KLK12: variants seen among roughly 807,000 people sequenced by gnomAD.
KLK12 encodes kallikrein related peptidase 12, also known as kallikrein-12.
A neutral mutation model predicts 20.0 loss-of-function variants in KLK12; 23 were observed. The observed-to-expected ratio is 1.15, with a 90% CI of 0.83 to 1.63. The LOEUF (loss-of-function observed/expected upper bound fraction) is 1.63. Among genes scored for constraint, KLK12 ranks in the 40% most tolerant of loss-of-function variants. KLK12 has a pLI of 0.00. For synonymous variants in KLK12, 147 were observed against 141.9 expected, an observed-to-expected ratio of 1.04 and a Z score of -0.25; for missense variants, 351 against 338.6, an observed-to-expected ratio of 1.04 and a Z score of -0.29.
chr19:51,029,429 C>A lies in KLK12; in HGVS notation c.620G>T (p.Gly207Val). The A allele has an allele frequency of 6.2e-7, 1 of 1,613,518 alleles. No homozygotes were observed. The highest frequency in any genetic ancestry group is 8.5e-7 in the Non-Finnish European group (1 of 1,179,424). The part of the protein sequence containing the change: ...QGDSGGPLVC[G>V]GVLQGLVSWG... Reference sequence around the variant, plus strand: ...GGACACCAGACCTTGAAGGACTCCCCCACACACCAGGGGGCCCCCAGAATC... The same window carrying A: ...GGACACCAGACCTTGAAGGACTCCCACACACACCAGGGGGCCCCCAGAATC... The change falls in exon 6 of 6, where the codon GGG becomes GTG. Residue 207 changes from glycine to valine, a missense_variant. Gly to Val is a moderately radical substitution (Grantham distance 109, BLOSUM62 -3). Coordinates refer to ENST00000684732, the MANE Select transcript of KLK12 (RefSeq NM_001370125.1).
intron 4 of KLK12, among the ~76,000 whole-genome samples, chr19:51,031,479 C>A (rs1377655952): frequency 6.6e-6 from 1 of 151,802 alleles, no homozygotes; most frequent in Non-Finnish European, 1.5e-5. Flanking sequence ...GATAGAATCC[C>A]AATTTCCATC....
chr19:51,031,435 C>T (rs78018472), intron 4 of KLK12, among the ~76,000 whole-genome samples: 3,311 of 151,880 alleles, frequency 0.022, 62 homozygotes, highest in Non-Finnish European at 0.033. Context: ...ACACCCCAAA[C>T]GCTATGACCT....
At chr19:51,031,439 A>G (rs776124772) in intron 4 of KLK12, among the ~76,000 whole-genome samples, 5 of 151,624 alleles carry the variant, frequency 3.3e-5, no homozygotes, top group Admixed American at 6.6e-5. Flanking sequence ...CCCAAACGCT[A>G]TGACCTCCAA....
At position 51,029,354 on chromosome 19, in the gene KLK12, G is replaced by A. The variant is rs774412030; in HGVS notation, c.695C>T (p.Thr232Ile). The A allele has an allele frequency of 5.6e-6, 9 of 1,614,030 alleles. No individual in the cohort carries two copies. Among genetic ancestry groups the A allele is most frequent in the Non-Finnish European group, 7.6e-6 (9 of 1,179,974 alleles). The stretch of plus-strand genomic sequence containing the variant: ...CCAGTCCACATACTTGCAAATATAG[G>A]TGTAGACTCCAGGGATGCCATCTTG... ...CGQDGIPGVY[T>I]YICKYVDWIR... The change falls in exon 6 of 6, where the codon ACC (threonine) becomes ATC (isoleucine). Residue 232 changes from threonine (T) to isoleucine (I), a missense_variant. Thr to Ile is a moderately conservative substitution (Grantham distance 89, BLOSUM62 -1). Coordinates refer to ENST00000684732, the MANE Select transcript of KLK12 (RefSeq NM_001370125.1).
chr19:51,029,389 C>T lies in KLK12; in HGVS notation c.660G>A (p.Gly220=). 6.2e-7 allele frequency: 1 copy of T among 1,613,706 alleles called. No individual in the cohort carries two copies. Among genetic ancestry groups the T allele is most frequent in the South Asian group, 1.1e-5 (1 of 91,072 alleles). Residue 220 remains glycine, a synonymous_variant, in exon 6 of 6, where the codon GGG becomes GGA. Transcript: ENST00000684732. The part of the protein sequence containing the change: ...LQGLVSWGSV[G]PCGQDGIPGV... Reference sequence around the variant, plus strand: ...CAGGGATGCCATCTTGTCCACAGGGCCCCACAGACCCCCAGGACACCAGAC... The same window carrying T: ...CAGGGATGCCATCTTGTCCACAGGGTCCCACAGACCCCCAGGACACCAGAC...
rs192173757 is a variant in KLK12, at chr19:51,034,232, G to A, written c.38-93C>T. 2.8e-4 allele frequency: 386 copies of A among 1,389,080 alleles called. No homozygotes were observed. The African/African-American group carries it at 4.7e-3, about 17-fold the overall frequency. 86.0% of individuals were successfully genotyped at this position (1,389,080 alleles called of 1,614,324 possible). On this transcript the variant is annotated intron_variant, in intron 2 of 5. Transcript: ENST00000684732. ...GTGAGAGAGAGAAACAGGCAGGAGA[G>A]AGAGAGGAGAAAGAGAGACGAGAAA...
chr19:51,034,334 A>T, intron 2 of KLK12, 195 bp from the exon 3 acceptor site: 1 of 1,184,710 alleles, frequency 8.4e-7, no homozygotes, highest in Non-Finnish European at 1.2e-6. Context: ...AAAGATGCTT[A>T]CACATAGGAG....
At position 51,034,616 on chromosome 19, in the gene KLK12, C is replaced by A; in HGVS notation, c.6G>T (p.Gly2=). M[G]LSIFLLLCVL... The stretch of plus-strand genomic sequence containing the variant: ...CACACAGGAGCAAAAAGATGCTGAG[C>A]CCCATGGTGGGTCACTTCCAAAGTC... Residue 2 remains glycine, a synonymous_variant, in exon 2 of 6, where the codon GGG becomes GGT. Transcript: ENST00000684732. The A allele has an allele frequency of 6.2e-7, 1 of 1,609,978 alleles. No homozygotes were observed. Among genetic ancestry groups the A allele is most frequent in the Non-Finnish European group, 8.5e-7 (1 of 1,178,826 alleles).
At chr19:51,030,665 G>A in intron 5 of KLK12, 123 bp downstream of exon 5, 1 of 1,393,886 alleles carries the variant, frequency 7.2e-7, no homozygotes, top group Middle Eastern at 2.5e-4. Flanking sequence ...CTTCCTTTTT[G>A]ACCCCGTCTC....
At chr19:51,032,215 T>C (rs1432226970) in intron 3 of KLK12, 80 bp from the exon 4 acceptor site, 3 of 1,460,206 alleles carry the variant, frequency 2.1e-6, no homozygotes, top group East Asian at 4.9e-5. Flanking sequence ...CAGGCGCTCC[T>C]GCCGCTCCCC....
intron 2 of KLK12, 38 bp from the exon 3 acceptor site, chr19:51,034,177 A>G (rs1434194033): frequency 2.6e-6 from 4 of 1,548,338 alleles, no homozygotes; most frequent in Non-Finnish European, 3.5e-6. Context: ...AGAGAGGAAG[A>G]AAAGATACAG....
At position 51,034,887 on chromosome 19, in the gene KLK12, A is replaced by C. The variant is rs1599773335; in HGVS notation, c.-101T>G. The C allele has an allele frequency of 4.4e-6, 6 of 1,368,516 alleles. No individual in the cohort carries two copies. Among genetic ancestry groups the C allele is most frequent in the South Asian group, 1.6e-5 (1 of 62,572 alleles). 84.8% of individuals were successfully genotyped at this position (1,368,516 alleles called of 1,614,324 possible). ...GTCGCTGCTATCTCTCCGTCCACCT[A>C]CCTGCCTGTCTTCTCATGTGCTGGC... On this transcript the variant is annotated 5_prime_UTR_variant, in exon 1 of 6. Transcript: ENST00000684732.
rs1365754636 is a variant in KLK12, at chr19:51,031,021, G to T, written c.458-100C>A. The T allele has an allele frequency of 3.1e-5, 43 of 1,375,568 alleles. 2 individuals carry two copies. In the Admixed American group the frequency reaches 7.2e-4, roughly 23 times the overall value. 85.2% of individuals were successfully genotyped at this position (1,375,568 alleles called of 1,614,324 possible). A position where few individuals can be genotyped will look rare whatever the true frequency, so the allele number is the denominator to read the frequency against. Reference sequence around the variant, plus strand: ...GTGGCCCATCCATGTCAATACCCCTGCCCCTCACCGACCTGTACTACAATC... The same window carrying T: ...GTGGCCCATCCATGTCAATACCCCTTCCCCTCACCGACCTGTACTACAATC... On this transcript the variant is annotated intron_variant, in intron 4 of 5. Transcript: ENST00000684732.
chr19:51,031,444 C>T (rs1040307737), intron 4 of KLK12, among the ~76,000 whole-genome samples: 1 of 151,806 alleles, frequency 6.6e-6, no homozygotes, highest in African/African-American at 2.4e-5. Flanking sequence ...ACGCTATGAC[C>T]TCCAATCTCA....
chr19:51,032,084 G>C lies in KLK12; in HGVS notation c.249C>G (p.Thr83=). 6.2e-7 allele frequency: 1 copy of C among 1,604,982 alleles called. No homozygotes were observed. ...GEHSLSQLDW[T]EQIRHSGFSV... is the part of the protein sequence containing the mutation. ...AGAAGCCGCTGTGCCGGATCTGCTCGGTCCAGTCGAGCTGGCTGAGGCTGT... is the reference window on the plus strand; with the variant it reads ...AGAAGCCGCTGTGCCGGATCTGCTCCGTCCAGTCGAGCTGGCTGAGGCTGT... The change falls in exon 4 of 6, where the codon ACC becomes ACG. Residue 83 remains threonine, a synonymous_variant. Transcript: ENST00000684732.
At chr19:51,033,799 C>G in intron 3 of KLK12, 181 bp downstream of exon 3, 1 of 687,610 alleles carries the variant, frequency 1.5e-6, no homozygotes, top group Non-Finnish European at 2.6e-6. Context: ...CCCAACATAC[C>G]TCACCCTGCC....
intron 4 of KLK12, 153 bp downstream of exon 4, chr19:51,031,723 T>C: frequency 2.2e-6 from 2 of 922,948 alleles, no homozygotes; most frequent in Non-Finnish European, 3.5e-6. Context: ...CAATCCACCA[T>C]AATCTCTGAC....
At chr19:51,033,953 C>T in intron 3 of KLK12, 27 bp downstream of exon 3, 1 of 1,605,418 alleles carries the variant, frequency 6.2e-7, no homozygotes, top group South Asian at 1.1e-5. Context: ...ATAGTCCTCC[C>T]TTCGCCCACC....
chr19:51,032,535 T>A (rs2091570219), intron 3 of KLK12, among the ~76,000 whole-genome samples: 1 of 151,956 alleles, frequency 6.6e-6, no homozygotes, highest in South Asian at 2.1e-4. Context: ...TACAGAAGCA[T>A]GCCACCATGC....
Sources: allele counts gnomAD v4.1 joint callset (sites outside exome capture counted in the v4.1 genomes callset), GRCh38; gene constraint gnomAD v4.1.1; transcripts MANE v1.5; gene names NCBI Gene and HGNC (gene_info 2026-07-23, HGNC 2026-07-21).